BAIAP2: variants seen among roughly 807,000 people sequenced by gnomAD.
BAIAP2 encodes BAR/IMD domain containing adaptor protein 2.
A neutral mutation model predicts 63.0 loss-of-function variants in BAIAP2; 18 were observed. The observed-to-expected ratio is 0.29, with a 90% CI of 0.20 to 0.42. The LOEUF (loss-of-function observed/expected upper bound fraction) is 0.42, where lower values mean the gene tolerates loss of function less well. Among genes scored for constraint, BAIAP2 ranks in the 10% least tolerant of loss-of-function variants. The probability of loss-of-function intolerance (pLI) is 1.00; values close to 1 mark genes in which losing one functional copy is unlikely to be tolerated. For synonymous variants in BAIAP2, 386 were observed against 307.6 expected (o/e 1.25, Z -2.67); for missense variants, 610 against 734.3 (o/e 0.83, Z 1.96).
chr17:81,043,850 C>G (rs756167498), intron 1 of BAIAP2, among the ~76,000 whole-genome samples: 1 of 152,222 alleles, frequency 6.6e-6, no homozygotes, highest in Non-Finnish European at 1.5e-5. Flanking sequence ...TCCTTCCGTT[C>G]GGGAGTTCGA....
At chr17:81,057,751 G>C in intron 2 of BAIAP2, 130 bp from the exon 3 acceptor site, 5 of 1,415,714 alleles carry the variant, frequency 3.5e-6, no homozygotes, top group Middle Eastern at 1.9e-4. Context: ...ACAGCGAGTC[G>C]AGTATTCTCC....
chr17:81,057,582 T>G (rs2049806654), intron 2 of BAIAP2: 1 of 1,074,758 alleles, frequency 9.3e-7, no homozygotes, highest in African/African-American at 1.6e-5. Flanking sequence ...CCCCCGGCCC[T>G]GCCTGGTAGC....
chr17:81,089,643 A>AG (rs147472969), intron 6 of BAIAP2, among the ~76,000 whole-genome samples: 2,085 of 152,072 alleles, frequency 0.014, 48 homozygotes, highest in African/African-American at 0.047. Flanking sequence ...GGAGGGGGAG[A>AG]GGGAGGGGGT....
At chr17:81,077,770 C>T (rs982414081) in intron 3 of BAIAP2, among the ~76,000 whole-genome samples, 8 of 151,602 alleles carry the variant, frequency 5.3e-5, no homozygotes, top group African/African-American at 1.5e-4. Flanking sequence ...GTGTGGGTAC[C>T]GTTTTGGGTG....
chr17:81,113,156 A>T (rs1363750694), intron 13 of BAIAP2, among the ~76,000 whole-genome samples: 1 of 152,236 alleles, frequency 6.6e-6, no homozygotes, highest in Non-Finnish European at 1.5e-5. Flanking sequence ...GACAGAGCCC[A>T]GGCCTCTGCA....
At chr17:81,048,356 C>CAAAAAAAAAAA (rs5822388) in intron 1 of BAIAP2, among the ~76,000 whole-genome samples, 1 of 90,244 alleles carries the variant, frequency 1.1e-5, no homozygotes, top group Non-Finnish European at 2.2e-5. Flanking sequence ...GACTCTGTCT[C>CAAAAAAAAAAA]AAAAAAAAAA....
At chr17:81,053,408 G>A (rs1002352685) in intron 1 of BAIAP2, 6 of 514,846 alleles carry the variant, frequency 1.2e-5, no homozygotes, top group African/African-American at 5.8e-5. Context: ...CCTTCAGCCC[G>A]CAGACACTCC....
intron 12 of BAIAP2, 167 bp from the exon 13 acceptor site, chr17:81,108,308 C>T: frequency 1.5e-6 from 1 of 683,198 alleles, no homozygotes; most frequent in Non-Finnish European, 2.5e-6. Flanking sequence ...ACCAGGGCTC[C>T]AGGCAGGTCT....
chr17:81,100,119 C>A (rs1214599866), intron 7 of BAIAP2, 39 bp downstream of exon 7: 2 of 1,577,986 alleles, frequency 1.3e-6, no homozygotes, highest in African/African-American at 1.4e-5. Flanking sequence ...GGCGCTGGGC[C>A]TTGCTGGCAG....
chr17:81,115,554 G>A (rs936921905), intron 13 of BAIAP2, among the ~76,000 whole-genome samples: 3 of 152,184 alleles, frequency 2.0e-5, no homozygotes, highest in Non-Finnish European at 2.9e-5. Flanking sequence ...GCCTTGTCTA[G>A]GGCACATAGT....
At chr17:81,060,255 A>G (rs545207737) in intron 3 of BAIAP2, among the ~76,000 whole-genome samples, 15 of 152,312 alleles carry the variant, frequency 9.8e-5, no homozygotes, top group African/African-American at 3.6e-4. Context: ...TACAGTGTGC[A>G]ACCATTGCCC....
chr17:81,049,750 C>A (rs563253217), intron 1 of BAIAP2, among the ~76,000 whole-genome samples: 1 of 152,368 alleles, frequency 6.6e-6, no homozygotes, highest in East Asian at 1.9e-4. Context: ...TCCCCTGCCC[C>A]CACCTGGGGA....
chr17:81,102,401 C>G (rs1459301957), intron 7 of BAIAP2, among the ~76,000 whole-genome samples: 1 of 152,182 alleles, frequency 6.6e-6, no homozygotes, highest in Admixed American at 6.5e-5. Context: ...TACCACTGAT[C>G]TCAGCCAGGG....
chr17:81,072,369 A>C (rs548667180), intron 3 of BAIAP2, among the ~76,000 whole-genome samples: 15 of 152,286 alleles, frequency 9.8e-5, no homozygotes, highest in African/African-American at 3.6e-4. Context: ...GGCTCTCCTC[A>C]GTGTCCCTAT....
chr17:81,041,813 C>T (rs751981607), intron 1 of BAIAP2, among the ~76,000 whole-genome samples: 4 of 152,184 alleles, frequency 2.6e-5, no homozygotes, highest in Non-Finnish European at 4.4e-5. Context: ...CTCAGGTGAT[C>T]CACCCACCTC....
At chr17:81,092,853 C>T in intron 6 of BAIAP2, among the ~76,000 whole-genome samples, 1 of 151,898 alleles carries the variant, frequency 6.6e-6, no homozygotes, top group Middle Eastern at 3.2e-3. Context: ...GGGACACCTT[C>T]TCTGTGGGTT....
chr17:81,107,724 T>C (rs2059354192), intron 12 of BAIAP2: 1 of 152,256 alleles, frequency 6.6e-6, no homozygotes, highest in Non-Finnish European at 1.5e-5. Context: ...CCCACCTTTT[T>C]CCGAGATAAC....
intron 1 of BAIAP2, among the ~76,000 whole-genome samples, chr17:81,045,531 C>T (rs915394173): frequency 7.2e-5 from 11 of 152,170 alleles, no homozygotes; most frequent in African/African-American, 2.4e-4. Flanking sequence ...GGGAGGCCAC[C>T]TGCTCCTGGT....
chr17:81,061,190 C>G (rs1297671284), intron 3 of BAIAP2, among the ~76,000 whole-genome samples: 2 of 152,254 alleles, frequency 1.3e-5, no homozygotes, highest in African/African-American at 4.8e-5. Flanking sequence ...CCTTTTTATG[C>G]TGTCCCTTGC....
Sources: allele counts gnomAD v4.1 joint callset (sites outside exome capture counted in the v4.1 genomes callset), GRCh38; gene constraint gnomAD v4.1.1; transcripts MANE v1.5; gene names NCBI Gene and HGNC (gene_info 2026-07-23, HGNC 2026-07-21).